The following C1orf21 variants were observed in gnomAD, a reference collection of about 807,000 sequenced individuals.
The protein encoded by C1orf21 is chromosome 1 open reading frame 21, also known as uncharacterized protein C1orf21.
In C1orf21, 3 loss-of-function variants were observed where a neutral mutation model predicts 18.7. The observed-to-expected ratio is 0.16, with a 90% CI of 0.07 to 0.42. The LOEUF (loss-of-function observed/expected upper bound fraction) is 0.42, where lower values mean the gene tolerates loss of function less well. Ranked by LOEUF, C1orf21 falls within the 10% of genes least tolerant of loss-of-function variation. The pLI, the probability that C1orf21 is intolerant of heterozygous loss-of-function variation, is 0.99. For missense variants in C1orf21, 104 were observed against 143.6 expected, an observed-to-expected ratio of 0.72 and a Z score of 1.41; for synonymous variants, 41 against 46.4, an observed-to-expected ratio of 0.88 and a Z score of 0.47.
chr1:184,578,048 C>T (rs956521961), intron 3 of C1orf21, among the ~76,000 whole-genome samples: 4 of 151,112 alleles, frequency 2.6e-5, no homozygotes, highest in African/African-American at 7.3e-5. Context: ...CCTCCACCTC[C>T]GGGGTTCAAG....
intron 1 of C1orf21, among the ~76,000 whole-genome samples, chr1:184,396,935 T>A (rs1656059959): frequency 6.6e-6 from 1 of 152,198 alleles, no homozygotes; most frequent in South Asian, 2.1e-4. Flanking sequence ...CAGCACATAT[T>A]TGTTGAATGG....
chr1:184,453,625 A>G (rs1036717153), intron 1 of C1orf21, among the ~76,000 whole-genome samples: 3 of 151,922 alleles, frequency 2.0e-5, no homozygotes, highest in Non-Finnish European at 2.9e-5. Flanking sequence ...CACCTATTTT[A>G]GTTTGTAATC....
chr1:184,392,211 G>A (rs1332299978), intron 1 of C1orf21, among the ~76,000 whole-genome samples: 1 of 152,140 alleles, frequency 6.6e-6, no homozygotes, highest in Non-Finnish European at 1.5e-5. Context: ...CTCATTTGAC[G>A]TTTGGCTGCA....
intron 2 of C1orf21, among the ~76,000 whole-genome samples, chr1:184,507,370 T>C (rs1188318896): frequency 6.6e-6 from 1 of 152,170 alleles, no homozygotes. Flanking sequence ...ATTAGAAGCA[T>C]TCGTGATGCT....
intron 3 of C1orf21, among the ~76,000 whole-genome samples, chr1:184,525,913 A>C (rs947718357): frequency 6.6e-6 from 1 of 152,182 alleles, no homozygotes; most frequent in African/African-American, 2.4e-5. Context: ...ATTCTGCTGT[A>C]GATGGTAAAT....
intron 1 of C1orf21, among the ~76,000 whole-genome samples, chr1:184,470,968 A>G (rs1034570232): frequency 3.3e-5 from 5 of 152,070 alleles, no homozygotes; most frequent in African/African-American, 9.7e-5. Context: ...TAGAAGCAGC[A>G]TAAGTCTTCT....
chr1:184,519,538 G>A (rs1007527757), intron 3 of C1orf21, among the ~76,000 whole-genome samples: 2 of 152,100 alleles, frequency 1.3e-5, no homozygotes, highest in African/African-American at 2.4e-5. Context: ...CACCTGAGTC[G>A]GGGGAAATGA....
intron 3 of C1orf21, among the ~76,000 whole-genome samples, chr1:184,571,222 G>A (rs1659106533): frequency 1.3e-5 from 2 of 148,522 alleles, no homozygotes; most frequent in South Asian, 2.1e-4. Context: ...GCGTGAACCC[G>A]GGAGGCGGAG....
chr1:184,571,117 C>A (rs1183254769), intron 3 of C1orf21, among the ~76,000 whole-genome samples: 1 of 151,886 alleles, frequency 6.6e-6, no homozygotes, highest in Non-Finnish European at 1.5e-5. Context: ...AACGGTGAAA[C>A]CCCGTCTCTA....
chr1:184,391,272 C>T (rs1390888445), intron 1 of C1orf21, among the ~76,000 whole-genome samples: 2 of 152,118 alleles, frequency 1.3e-5, no homozygotes, highest in African/African-American at 2.4e-5. Flanking sequence ...TTTTTGTTAA[C>T]TATATTACTA....
chr1:184,432,262 G>A lies in C1orf21; in HGVS notation c.-125+44894G>A, dbSNP rs1264599487. On this transcript the variant is annotated intron_variant, in intron 1 of 5. Coordinates refer to ENST00000235307, the MANE Select transcript of C1orf21 (RefSeq NM_030806.4). ...GCACTATTCACAATAGCAAAGACTT[G>A]GAACCAATCTAAGTGCCCATCAGTG... Among the ~76,000 whole-genome samples the A allele has an allele frequency of 2.0e-5, 3 of 152,180 alleles. No homozygotes were observed. In the East Asian group the frequency reaches 5.8e-4, roughly 29 times the overall value.
At chr1:184,462,415 T>C (rs925351439) in intron 1 of C1orf21, among the ~76,000 whole-genome samples, 3 of 152,200 alleles carry the variant, frequency 2.0e-5, no homozygotes, top group Admixed American at 6.5e-5. Context: ...GTGATTTTTT[T>C]TCTCATTGGC....
intron 1 of C1orf21, among the ~76,000 whole-genome samples, chr1:184,475,810 T>G (rs1024656704): frequency 1.3e-5 from 2 of 150,580 alleles, no homozygotes; most frequent in Admixed American, 1.3e-4. Context: ...TTTCATATAG[T>G]TTGAGATGAA....
At chr1:184,422,896 T>G (rs1286156780) in intron 1 of C1orf21, among the ~76,000 whole-genome samples, 1 of 152,208 alleles carries the variant, frequency 6.6e-6, no homozygotes, top group African/African-American at 2.4e-5. Context: ...ATAAAATGTT[T>G]TGTCTGGCAC....
At chr1:184,503,077 CAAAAAAAAAA>C (rs199599189) in intron 2 of C1orf21, among the ~76,000 whole-genome samples, 2 of 61,642 alleles carry the variant, frequency 3.2e-5, no homozygotes. Flanking sequence ...GAAACTGTCT[CAAAAAAAAAA>C]AAAAAAAAAA....
intron 3 of C1orf21, among the ~76,000 whole-genome samples, chr1:184,534,362 T>G (rs1381678369): frequency 6.6e-6 from 1 of 152,224 alleles, no homozygotes. Flanking sequence ...ATTTTGTACA[T>G]GTAAATTGCC....
At chr1:184,523,008 A>G (rs1231679295) in intron 3 of C1orf21, among the ~76,000 whole-genome samples, 1 of 152,214 alleles carries the variant, frequency 6.6e-6, no homozygotes, top group Non-Finnish European at 1.5e-5. Context: ...TACACTTTAT[A>G]CAGAGTATAA....
chr1:184,496,974 G>A (rs1293092054), intron 2 of C1orf21, among the ~76,000 whole-genome samples: 2 of 152,146 alleles, frequency 1.3e-5, no homozygotes, highest in African/African-American at 2.4e-5. Context: ...AATAGATGGA[G>A]GGTGAGGGTC....
intron 3 of C1orf21, among the ~76,000 whole-genome samples, chr1:184,578,199 A>G (rs1026374177): frequency 6.6e-6 from 1 of 151,198 alleles, no homozygotes; most frequent in Non-Finnish European, 1.5e-5. Flanking sequence ...CTCGTGATCC[A>G]CCCACCTCAG....
Sources: allele counts gnomAD v4.1 joint callset (sites outside exome capture counted in the v4.1 genomes callset), GRCh38; gene constraint gnomAD v4.1.1; transcripts MANE v1.5; gene names NCBI Gene and HGNC (gene_info 2026-07-23, HGNC 2026-07-21).